Variants in RFWD3 observed in about 807,000 individuals in gnomAD.
RFWD3 encodes the protein E3 ubiquitin-protein ligase RFWD3.
A neutral mutation model predicts 87.7 loss-of-function variants in RFWD3; 65 were observed. The observed-to-expected ratio is 0.74, with a 90% CI of 0.61 to 0.91. The LOEUF (loss-of-function observed/expected upper bound fraction) is 0.91, where lower values mean the gene tolerates loss of function less well. Among genes scored for constraint, RFWD3 ranks in the 40% least tolerant of loss-of-function variants. RFWD3 has a pLI of 0.00. For synonymous variants in RFWD3, 433 were observed against 352.8 expected, an observed-to-expected ratio of 1.23 and a Z score of -2.55; for missense variants, 1,078 against 938.5, an observed-to-expected ratio of 1.15 and a Z score of -1.94.
intron 7 of RFWD3, among the ~76,000 whole-genome samples, chr16:74,637,140 A>AAAAG (rs1181623749): frequency 2.9e-4 from 44 of 150,818 alleles, no homozygotes; most frequent in Non-Finnish European, 5.8e-4. Context: ...AAAAAAAAAA[A>AAAAG]AAAAACAACT....
intron 6 of RFWD3, among the ~76,000 whole-genome samples, chr16:74,643,491 T>C (rs1001666378): frequency 6.6e-5 from 10 of 152,300 alleles, no homozygotes; most frequent in Middle Eastern, 6.8e-3. Flanking sequence ...TTAGAATGCC[T>C]GAACAATTAC....
chr16:74,664,682 G>A (rs1961737907), intron 1 of RFWD3: 1 of 152,070 alleles, frequency 6.6e-6, no homozygotes, highest in South Asian at 2.1e-4. Flanking sequence ...CCGGAGAGTG[G>A]AGGTTACATT....
chr16:74,645,404 T>A (rs916549673), intron 4 of RFWD3, among the ~76,000 whole-genome samples: 17 of 152,216 alleles, frequency 1.1e-4, no homozygotes, highest in African/African-American at 4.1e-4. Context: ...GAGAAATGCG[T>A]CTTTAGGCGA....
At chr16:74,666,034 G>A (rs539620425) in intron 1 of RFWD3, among the ~76,000 whole-genome samples, 5 of 152,178 alleles carry the variant, frequency 3.3e-5, no homozygotes, top group Non-Finnish European at 7.4e-5. Flanking sequence ...AGGAAAAAGG[G>A]AGGAAGAGAG....
In RFWD3 at chr16:74,651,882, G is replaced by A. The variant is rs774150579; in HGVS notation, c.721+38C>T. Reference sequence around the variant, plus strand: ...CTTCCGAAATTTAAGCTTCATGGATGTTAGCCTTGTGAGTCCAAACCTGGG... The same window carrying A: ...CTTCCGAAATTTAAGCTTCATGGATATTAGCCTTGTGAGTCCAAACCTGGG... On this transcript the variant is annotated intron_variant, in intron 3 of 12. Transcript: ENST00000361070. 4 of 1,577,834 alleles carry A rather than the reference G, an allele frequency of 2.5e-6. No homozygotes were observed. The East Asian group carries it at 6.7e-5, about 27-fold the overall frequency.
chr16:74,658,817 G>T (rs544967192), intron 2 of RFWD3, among the ~76,000 whole-genome samples: 36 of 150,762 alleles, frequency 2.4e-4, no homozygotes, highest in Admixed American at 1.9e-3. Context: ...ACCCAGGCTG[G>T]ATTACAGTGA....
intron 3 of RFWD3, among the ~76,000 whole-genome samples, chr16:74,650,796 G>C (rs1960503476): frequency 6.6e-6 from 1 of 152,016 alleles, no homozygotes; most frequent in Admixed American, 6.6e-5. Flanking sequence ...AGGATCGCTT[G>C]AGCCTGGGAG....
At chr16:74,626,207 C>T (rs78201989) in intron 12 of RFWD3, 136 bp downstream of exon 12, 142 of 730,758 alleles carry the variant, frequency 1.9e-4, no homozygotes, top group African/African-American at 1.8e-3. Flanking sequence ...CACACATATG[C>T]GGATATGTGG....
chr16:74,665,828 C>T (rs1191443982), intron 1 of RFWD3, among the ~76,000 whole-genome samples: 1 of 151,764 alleles, frequency 6.6e-6, no homozygotes, highest in African/African-American at 2.4e-5. Flanking sequence ...CTCACTGCAA[C>T]CTCGGCCTCC....
Position 74,661,450 on chromosome 16 carries a change from C to T in RFWD3, c.-1G>A, listed in dbSNP as rs753986351. On this transcript the variant is annotated splice_region_variant and 5_prime_UTR_variant, in exon 2 of 13. Coordinates refer to ENST00000361070, the MANE Select transcript of RFWD3 (RefSeq NM_018124.4). ...CATATTCCATTGCTTCATGAGCCATCACTAGAGAAACAGTATTTGTAAAAA... is the reference window on the plus strand; with the variant it reads ...CATATTCCATTGCTTCATGAGCCATTACTAGAGAAACAGTATTTGTAAAAA... 6.3e-7 allele frequency: 1 copy of T among 1,598,056 alleles called. No individual in the cohort carries two copies. The highest frequency in any genetic ancestry group is 1.8e-5 in the Admixed American group (1 of 55,778).
Position 74,651,918 on chromosome 16 carries a change from A to C in RFWD3, c.721+2T>G. On this transcript the variant is annotated splice_donor_variant, in intron 3 of 12. Coordinates refer to ENST00000361070, the MANE Select transcript of RFWD3 (RefSeq NM_018124.4). LOFTEE classifies it high-confidence loss of function. The stretch of plus-strand genomic sequence containing the variant: ...GAGTCCAAACCTGGGTAAAATACTG[A>C]CCTTCTAAAATGACAGCTCCAGATT... The C allele has an allele frequency of 6.2e-7, 1 of 1,613,708 alleles. No individual in the cohort carries two copies. Among genetic ancestry groups the C allele is most frequent in the Non-Finnish European group, 8.5e-7 (1 of 1,179,720 alleles).
Position 74,632,512 on chromosome 16 carries a change from A to T in RFWD3, c.1577+11T>A. On this transcript the variant is annotated intron_variant, in intron 9 of 12. Transcript: ENST00000361070. ...GAGCCCAGTCTCCACCTACTTCCCC[A>T]AATCACTCACCTGGTCAGTTTAATA... The T allele has an allele frequency of 1.2e-6, 2 of 1,613,544 alleles. No individual in the cohort carries two copies. Among genetic ancestry groups the T allele is most frequent in the Non-Finnish European group, 1.7e-6 (2 of 1,179,602 alleles).
In RFWD3 at chr16:74,636,497, TG is replaced by T; in HGVS notation, c.1274del (p.Ser425TyrfsTer35). The T allele has an allele frequency of 1.2e-6, 2 of 1,614,010 alleles. No individual in the cohort carries two copies. The highest frequency in any genetic ancestry group is 1.7e-6 in the Non-Finnish European group (2 of 1,180,024). On this transcript the variant is annotated frameshift_variant, in exon 8 of 13. Coordinates refer to ENST00000361070, the MANE Select transcript of RFWD3 (RefSeq NM_018124.4). LOFTEE classifies it high-confidence loss of function. ...RGSQAWVLSC[S>X]PSSQGQHKHK... is the part of the protein sequence containing the mutation. ...GCTTGTGCTGGCCCTGGCTGGAGGG[TG>T]AGCAGCTCAGGACCCATGCTTGGGA...
At chr16:74,662,138 T>TA (rs760335502) in intron 1 of RFWD3, among the ~76,000 whole-genome samples, 1,909 of 147,976 alleles carry the variant, frequency 0.013, 37 homozygotes, top group African/African-American at 0.046. Flanking sequence ...GTTTTTAAAC[T>TA]AAAAAAAAAA....
At chr16:74,644,147 T>C (rs1032887921) in intron 6 of RFWD3, 2 of 598,526 alleles carry the variant, frequency 3.3e-6, no homozygotes, top group Non-Finnish European at 5.9e-6. Flanking sequence ...TTGTGTTTAA[T>C]GCTCTACATA....
At chr16:74,644,247 C>A in intron 6 of RFWD3, 115 bp downstream of exon 6, 1 of 931,432 alleles carries the variant, frequency 1.1e-6, no homozygotes, top group Non-Finnish European at 1.8e-6. Context: ...CCCCAGAGAT[C>A]CCAAGTCACA....
intron 9 of RFWD3, among the ~76,000 whole-genome samples, chr16:74,632,295 G>A (rs1283389922): frequency 6.6e-6 from 1 of 152,098 alleles, no homozygotes; most frequent in Non-Finnish European, 1.5e-5. Context: ...GGGAGGCTGA[G>A]GCAGGAGAAT....
At chr16:74,631,198 A>T (rs1959082045) in intron 9 of RFWD3, among the ~76,000 whole-genome samples, 2 of 152,144 alleles carry the variant, frequency 1.3e-5, no homozygotes, top group Non-Finnish European at 2.9e-5. Context: ...TAATAAATTA[A>T]AAGGGCTGGA....
At chr16:74,640,591 T>C (rs957690140) in intron 6 of RFWD3, among the ~76,000 whole-genome samples, 2 of 152,010 alleles carry the variant, frequency 1.3e-5, no homozygotes, top group African/African-American at 4.8e-5. Context: ...AGCCTAGGAA[T>C]CTGATGGCGC....
Sources: gnomAD v4.1 joint callset for allele counts (sites outside exome capture counted in the v4.1 genomes callset) on GRCh38, gnomAD v4.1.1 for gene constraint, MANE v1.5 for transcripts, NCBI Gene and HGNC (gene_info 2026-07-23, HGNC 2026-07-21) for gene names.